The following MYOZ3 variants were observed in gnomAD, a reference collection of about 807,000 sequenced individuals.
The protein encoded by MYOZ3 is myozenin 3.
Under a neutral mutation model 26.5 loss-of-function variants are expected in MYOZ3, and 19 were observed. The observed-to-expected ratio is 0.72, with a 90% CI of 0.50 to 1.05. The LOEUF is 1.05. Ranked by LOEUF, MYOZ3 falls within the 50% of genes least tolerant of loss-of-function variation. MYOZ3 has a pLI of 0.00. For missense variants in MYOZ3, 322 were observed against 337.1 expected, an observed-to-expected ratio of 0.96 and a Z score of 0.35; for synonymous variants, 135 against 138.8, an observed-to-expected ratio of 0.97 and a Z score of 0.19.
chr5:150,675,344 T>A (rs1758987590), intron 6 of MYOZ3, among the ~76,000 whole-genome samples: 1 of 151,990 alleles, frequency 6.6e-6, no homozygotes, highest in Non-Finnish European at 1.5e-5. Context: ...CTCTAGTTCC[T>A]TTTAAGCTGC....
In MYOZ3 at chr5:150,671,878, T is replaced by G; in HGVS notation, c.394T>G (p.Cys132Gly). 1 of 1,583,016 alleles carries G rather than the reference T, an allele frequency of 6.3e-7. No individual in the cohort carries two copies. The highest frequency in any genetic ancestry group is 8.6e-7 in the Non-Finnish European group (1 of 1,168,380). The change falls in exon 5 of 7, where the codon TGC becomes GGC. Residue 132 changes from cysteine to glycine, a missense_variant. Cys to Gly is a radical substitution (Grantham distance 159, BLOSUM62 -3). Transcript: ENST00000517768. ...CCACCCTGCAGCCGCCCCTGCTGGG[T>G]GCGTCCCCAGCCCCAGCGCCCTGGC... is the stretch of plus-strand genomic sequence containing the variant. ...GAHPAAAPAG[C>G]VPSPSALAPG... is the part of the protein sequence containing the mutation.
At chr5:150,669,726 A>C (rs1581534091) in intron 2 of MYOZ3, among the ~76,000 whole-genome samples, 1 of 133,022 alleles carries the variant, frequency 7.5e-6, no homozygotes, top group Non-Finnish European at 1.5e-5. Context: ...GCTTACTGCA[A>C]CCTCCACCTC....
At chr5:150,665,060 T>C (rs577261436) in intron 2 of MYOZ3, among the ~76,000 whole-genome samples, 1 of 152,170 alleles carries the variant, frequency 6.6e-6, no homozygotes, top group East Asian at 1.9e-4. Flanking sequence ...CCTAGTATGA[T>C]TTATCTCACG....
intron 2 of MYOZ3, among the ~76,000 whole-genome samples, chr5:150,667,872 A>G (rs17111267): frequency 0.14 from 21,562 of 152,214 alleles, 2,882 homozygotes; most frequent in African/African-American, 0.36. Flanking sequence ...CAAATTCTTC[A>G]GAATGCATCA....
chr5:150,674,314 C>A (rs1208652251), intron 6 of MYOZ3, among the ~76,000 whole-genome samples: 1 of 152,236 alleles, frequency 6.6e-6, no homozygotes, highest in African/African-American at 2.4e-5. Context: ...TGATCTCATG[C>A]CTCATGTATG....
rs1021208037 is a variant in MYOZ3 at position 150,677,765 on chromosome 5, A to C, written c.*890A>C. On this transcript the variant is annotated 3_prime_UTR_variant, in exon 7 of 7. Transcript: ENST00000517768. ...CATTATAGAGCATGAAGTCACCATA[A>C]TTTTCCCTAAAGCATGCTTATTGAC... The C allele has an allele frequency of 1.3e-5, 2 of 152,116 alleles. No individual in the cohort carries two copies. Among genetic ancestry groups the C allele is most frequent in the African/African-American group, 4.8e-5 (2 of 41,384 alleles). The allele number at this position is 152,116 out of a possible 1,614,324, so 9.4% of individuals were successfully genotyped here. A position where few individuals can be genotyped will look rare whatever the true frequency, so the allele number is the denominator to read the frequency against.
intron 2 of MYOZ3, among the ~76,000 whole-genome samples, chr5:150,665,898 G>A (rs1758801036): frequency 6.6e-6 from 1 of 152,062 alleles, no homozygotes; most frequent in Non-Finnish European, 1.5e-5. Flanking sequence ...AGCCAGGCGT[G>A]ATGGTGCATG....
Position 150,672,582 on chromosome 5 carries a change from C to G in MYOZ3, c.587+80C>G, listed in dbSNP as rs529981610. The G allele has an allele frequency of 1.8e-5, 27 of 1,471,168 alleles. No homozygotes were observed. The South Asian group carries it at 3.1e-4, about 17-fold the overall frequency. The allele number at this position is 1,471,168 out of a possible 1,614,324, so 91.1% of individuals were successfully genotyped here. ...ACAGCCACAGCGGGAGCCTGCGTTT[C>G]CTGAGCACTTTCTGCAGGCCAGGCT... On this transcript the variant is annotated intron_variant, in intron 6 of 6. Coordinates refer to ENST00000517768, the MANE Select transcript of MYOZ3 (RefSeq NM_001122853.3).
At chr5:150,670,738 T>C in intron 3 of MYOZ3, 100 bp downstream of exon 3, 11 of 1,193,310 alleles carry the variant, frequency 9.2e-6, no homozygotes, top group South Asian at 3.1e-5. Flanking sequence ...GACTGTGATG[T>C]TCCCATCAGA....
chr5:150,671,492 T>G (rs1758908268), intron 3 of MYOZ3, 105 bp from the exon 4 acceptor site: 1 of 1,181,510 alleles, frequency 8.5e-7, no homozygotes, highest in East Asian at 2.3e-5. Context: ...ATGATGGGCG[T>G]TAGGATTCTT....
chr5:150,671,811 C>T lies in MYOZ3; in HGVS notation c.327C>T (p.Phe109=), dbSNP rs1475349509. 2.5e-6 allele frequency: 4 copies of T among 1,612,254 alleles called. No individual in the cohort carries two copies. Among genetic ancestry groups the T allele is most frequent in the Non-Finnish European group, 2.5e-6 (3 of 1,179,768 alleles). Residue 109 remains phenylalanine, a synonymous_variant, in exon 5 of 7, where the codon TTC becomes TTT. Transcript: ENST00000517768. ...ACTACCGCTCGGAGCTCCACATCTT[C>T]CCGGCCTCACCCGGGGCCTCACTCG... ...GPNYRSELHI[F]PASPGASLGG...
At chr5:150,666,213 C>A (rs1758806890) in intron 2 of MYOZ3, among the ~76,000 whole-genome samples, 1 of 151,994 alleles carries the variant, frequency 6.6e-6, no homozygotes, top group African/African-American at 2.4e-5. Context: ...CAATTTCCAA[C>A]CCTCCTCCTT....
chr5:150,671,839 G>T lies in MYOZ3; in HGVS notation c.355G>T (p.Gly119Cys), dbSNP rs1758919400. 1 of 1,608,520 alleles carries T rather than the reference G, an allele frequency of 6.2e-7. No homozygotes were observed. Among genetic ancestry groups the T allele is most frequent in the Non-Finnish European group, 8.5e-7 (1 of 1,178,772 alleles). The change falls in exon 5 of 7, where the codon GGT becomes TGT. Residue 119 changes from glycine to cysteine, a missense_variant. Transcript: ENST00000517768. ...GGCCTCACCCGGGGCCTCACTCGGG[G>T]GTCCCGAGGGCGCCCACCCTGCAGC... is the stretch of plus-strand genomic sequence containing the variant. Reference protein sequence around the residue: ...FPASPGASLGGPEGAHPAAAP... With the variant: ...FPASPGASLGCPEGAHPAAAP...
intron 5 of MYOZ3, 47 bp from the exon 6 acceptor site, chr5:150,672,293 G>A (rs758771397): frequency 9.7e-6 from 15 of 1,553,912 alleles, no homozygotes; most frequent in East Asian, 2.4e-5. Context: ...GGGGTTGGGG[G>A]CTGAGGGTGG....
intron 2 of MYOZ3, among the ~76,000 whole-genome samples, chr5:150,668,425 C>G (rs1758841219): frequency 6.6e-6 from 1 of 152,196 alleles, no homozygotes. Context: ...ATGCCATCCT[C>G]TTTAGTTTCT....
At chr5:150,669,633 CTTTTTTT>C (rs532402882) in intron 2 of MYOZ3, among the ~76,000 whole-genome samples, 11 of 47,738 alleles carry the variant, frequency 2.3e-4, no homozygotes, top group Non-Finnish European at 4.8e-4. Context: ...CCCATATATG[CTTTTTTT>C]TTTTTTTTTT....
chr5:150,671,791 C>T lies in MYOZ3; in HGVS notation c.307C>T (p.Arg103Cys), dbSNP rs1271908387. The T allele has an allele frequency of 1.2e-6, 2 of 1,613,088 alleles. No homozygotes were observed. The highest frequency in any genetic ancestry group is 1.3e-5 in the African/African-American group (1 of 75,048). The change falls in exon 5 of 7, where the codon CGC becomes TGC. Residue 103 changes from arginine to cysteine, a missense_variant. Physicochemically the swap from Arg to Cys is radical, Grantham distance 180 (BLOSUM62 -3). Coordinates refer to ENST00000517768, the MANE Select transcript of MYOZ3 (RefSeq NM_001122853.3). ...NANGPEGPNYRSELHIFPASP... is the reference protein window; with the variant it reads ...NANGPEGPNYCSELHIFPASP... ...CAATGGCCCTGAGGGGCCGAACTAC[C>T]GCTCGGAGCTCCACATCTTCCCGGC...
At chr5:150,663,943 C>T (rs189619545) in intron 2 of MYOZ3, among the ~76,000 whole-genome samples, 5 of 149,568 alleles carry the variant, frequency 3.3e-5, no homozygotes, top group East Asian at 2.0e-4. Context: ...TAGTGAGCTA[C>T]GGTTGTGCCA....
At chr5:150,670,393 T>G (rs1758882826) in intron 2 of MYOZ3, 91 bp from the exon 3 acceptor site, 5 of 1,360,460 alleles carry the variant, frequency 3.7e-6, no homozygotes, top group Admixed American at 2.7e-5. Context: ...AAACAGGCAT[T>G]CTTACACACA....
Sources: gnomAD v4.1 joint callset for allele counts (sites outside exome capture counted in the v4.1 genomes callset) on GRCh38, gnomAD v4.1.1 for gene constraint, MANE v1.5 for transcripts, NCBI Gene and HGNC (gene_info 2026-07-23, HGNC 2026-07-21) for gene names.